The following RNF4 variants were observed in gnomAD, a reference collection of about 807,000 sequenced individuals.
The protein encoded by RNF4 is ring finger protein 4, also known as E3 ubiquitin-protein ligase RNF4.
RNF4 carries 7 observed loss-of-function variants against 24.3 expected under a neutral mutation model. The observed-to-expected ratio is 0.29, with a 90% CI of 0.16 to 0.54. The LOEUF (loss-of-function observed/expected upper bound fraction) is 0.54, where lower values mean the gene tolerates loss of function less well. Ranked by LOEUF, RNF4 falls within the 20% of genes least tolerant of loss-of-function variation. The pLI, the probability that RNF4 is intolerant of heterozygous loss-of-function variation, is 0.95. For synonymous variants in RNF4, 83 were observed against 84.3 expected, an observed-to-expected ratio of 0.98 and a Z score of 0.09; for missense variants, 209 against 248.5, an observed-to-expected ratio of 0.84 and a Z score of 1.07.
At chr4:2,486,728 A>C (rs1239062328) in intron 1 of RNF4, among the ~76,000 whole-genome samples, 1 of 152,184 alleles carries the variant, frequency 6.6e-6, no homozygotes, top group Non-Finnish European at 1.5e-5. Flanking sequence ...CCTCAATATC[A>C]GTGAAGTGGG....
At position 2,515,512 on chromosome 4, in the gene RNF4, AC is replaced by A. The variant is rs552015694; in HGVS notation, c.*1694del. 4.6e-5 allele frequency: 7 copies of A among 152,420 alleles called. No homozygotes were observed. The South Asian group carries it at 1.4e-3, about 32-fold the overall frequency. 9.4% of individuals were successfully genotyped at this position (152,420 alleles called of 1,614,324 possible). On this transcript the variant is annotated 3_prime_UTR_variant, in exon 8 of 8. Coordinates refer to ENST00000314289, the MANE Select transcript of RNF4 (RefSeq NM_002938.5). ...ATCACGGCAATGTCACGATGCCCAG[AC>A]TTGGAGCAAGGCAACCTTGGAGTCA...
intron 2 of RNF4, among the ~76,000 whole-genome samples, chr4:2,496,399 C>T (rs1298935008): frequency 6.6e-6 from 1 of 152,206 alleles, no homozygotes; most frequent in East Asian, 1.9e-4. Context: ...GCATCCACTA[C>T]CAAGTCCAAA....
At chr4:2,513,581 C>G in intron 7 of RNF4, 89 bp from the exon 8 acceptor site, 1 of 1,509,462 alleles carries the variant, frequency 6.6e-7, no homozygotes, top group South Asian at 1.2e-5. Flanking sequence ...AATTAGTCAT[C>G]TTAGGCATAG....
intron 3 of RNF4, among the ~76,000 whole-genome samples, chr4:2,497,651 T>C (rs77512325): frequency 3.9e-5 from 6 of 152,212 alleles, no homozygotes; most frequent in Admixed American, 3.9e-4. Flanking sequence ...TTATTTATTT[T>C]TGAGATAGAG....
intron 1 of RNF4, among the ~76,000 whole-genome samples, chr4:2,488,290 C>G (rs1347656900): frequency 1.3e-5 from 2 of 152,120 alleles, no homozygotes; most frequent in African/African-American, 4.8e-5. Flanking sequence ...TGGTGGAAAC[C>G]CCATCTCTAC....
At chr4:2,497,150 G>T in intron 3 of RNF4, 29 bp downstream of exon 3, 4 of 1,542,532 alleles carry the variant, frequency 2.6e-6, no homozygotes, top group East Asian at 2.3e-5. Context: ...CTACAACTGT[G>T]GGGTGTTAAA....
intron 1 of RNF4, among the ~76,000 whole-genome samples, chr4:2,482,288 C>G (rs1735266992): frequency 6.6e-6 from 1 of 152,138 alleles, no homozygotes; most frequent in African/African-American, 2.4e-5. Flanking sequence ...GTACCCCAGC[C>G]AACCCTGGGT....
intron 2 of RNF4, among the ~76,000 whole-genome samples, chr4:2,495,840 A>G (rs922758973): frequency 2.6e-5 from 4 of 152,188 alleles, no homozygotes; most frequent in African/African-American, 9.6e-5. Context: ...CGTGTTGCCC[A>G]GGCTGATCTT....
At position 2,512,302 on chromosome 4, in the gene RNF4, G is replaced by C. The variant is rs921765705; in HGVS notation, c.215-136G>C. The C allele has an allele frequency of 2.6e-5, 28 of 1,063,984 alleles. No individual in the cohort carries two copies. The highest frequency in any genetic ancestry group is 3.8e-5 in the Non-Finnish European group (27 of 713,650). The allele number at this position is 1,063,984 out of a possible 1,614,324, so 65.9% of individuals were successfully genotyped here. Reference sequence around the variant, plus strand: ...GCTGGGCAGAACCTTCTGGGTTATAGCTGAGCATGGCAGCAGTTTGTCTCT... The same window carrying C: ...GCTGGGCAGAACCTTCTGGGTTATACCTGAGCATGGCAGCAGTTTGTCTCT... On this transcript the variant is annotated intron_variant, in intron 5 of 7. Coordinates refer to ENST00000314289, the MANE Select transcript of RNF4 (RefSeq NM_002938.5). This position sits in a 1 kb window ranked among gnomAD's most constrained non-coding sequence, Gnocchi z 4.1.
chr4:2,488,828 A>T (rs758193602), intron 1 of RNF4, among the ~76,000 whole-genome samples: 19 of 151,612 alleles, frequency 1.3e-4, no homozygotes, highest in East Asian at 7.7e-4. Flanking sequence ...TTATTTATTT[A>T]TTTTTTTGAG....
chr4:2,493,303 C>T (rs1735635821), intron 2 of RNF4, among the ~76,000 whole-genome samples: 1 of 150,976 alleles, frequency 6.6e-6, no homozygotes. Context: ...ATGGAGGGGT[C>T]GATAGAGCAG....
intron 1 of RNF4, among the ~76,000 whole-genome samples, chr4:2,471,480 G>C (rs951277386): frequency 7.2e-6 from 1 of 138,624 alleles, no homozygotes; most frequent in South Asian, 2.9e-4. Flanking sequence ...ACCCTACAGT[G>C]TCCAGGCAAA....
intron 2 of RNF4, among the ~76,000 whole-genome samples, chr4:2,493,147 T>C (rs1735629807): frequency 6.6e-6 from 1 of 151,924 alleles, no homozygotes; most frequent in Non-Finnish European, 1.5e-5. Context: ...AGGAGGAGGC[T>C]CAGAGACAGC....
rs1735403391 is a variant in RNF4 at position 2,486,198 on chromosome 4, GATATTA to G, written c.-157-4133_-157-4128del. ...GGGTGATGTGAGGAGCACATGTGGTGATATTAATATTTAGGAAGCGCAGTGCCTTGT... is the reference window on the plus strand; with the variant it reads ...GGGTGATGTGAGGAGCACATGTGGTGATATTTAGGAAGCGCAGTGCCTTGT... On this transcript the variant is annotated intron_variant, in intron 1 of 7. Transcript: ENST00000314289. Among the ~76,000 whole-genome samples the G allele has an allele frequency of 2.6e-5, 4 of 152,296 alleles. No individual in the cohort carries two copies. In the South Asian group the frequency reaches 8.3e-4, roughly 32 times the overall value.
At chr4:2,469,878 G>A (rs752704433) in intron 1 of RNF4, 1 of 152,394 alleles carries the variant, frequency 6.6e-6, no homozygotes, top group Non-Finnish European at 1.5e-5. Flanking sequence ...TGAGGCTTGC[G>A]GCCCAGCCCT....
rs1484754008 is a variant in RNF4, at chr4:2,512,288, C to A, written c.215-150C>A. The A allele has an allele frequency of 1.0e-6, 1 of 955,246 alleles. No individual in the cohort carries two copies. Among genetic ancestry groups the A allele is most frequent in the Non-Finnish European group, 1.6e-6 (1 of 621,824 alleles). The allele number at this position is 955,246 out of a possible 1,614,324, so 59.2% of individuals were successfully genotyped here. On this transcript the variant is annotated intron_variant, in intron 5 of 7. Coordinates refer to ENST00000314289, the MANE Select transcript of RNF4 (RefSeq NM_002938.5). The surrounding 1 kb of genome is among the most constrained non-coding windows in gnomAD (Gnocchi z 4.1). The stretch of plus-strand genomic sequence containing the variant: ...TAGTGGCCTCCAGAGCTGGGCAGAA[C>A]CTTCTGGGTTATAGCTGAGCATGGC...
intron 2 of RNF4, among the ~76,000 whole-genome samples, chr4:2,492,069 G>T (rs1380122836): frequency 1.3e-5 from 2 of 151,934 alleles, no homozygotes; most frequent in Non-Finnish European, 2.9e-5. Flanking sequence ...ATAGTTGGCG[G>T]GCGCCTGTAG....
chr4:2,513,857 C>T lies in RNF4; in HGVS notation c.*38C>T. On this transcript the variant is annotated 3_prime_UTR_variant, in exon 8 of 8. Coordinates refer to ENST00000314289, the MANE Select transcript of RNF4 (RefSeq NM_002938.5). ...CCCCCAGGAGAGACGGATGGACAGA[C>T]AGACAGCCAGGTTCTCCAGTGGTAT... 1 of 1,612,350 alleles carries T rather than the reference C, an allele frequency of 6.2e-7. No individual in the cohort carries two copies. The highest frequency in any genetic ancestry group is 8.5e-7 in the Non-Finnish European group (1 of 1,179,016).
In RNF4 at chr4:2,513,094, C is replaced by A. The variant is rs1224065618; in HGVS notation, c.386C>A (p.Thr129Asn). 1 of 1,613,870 alleles carries A rather than the reference C, an allele frequency of 6.2e-7. No homozygotes were observed. The highest frequency in any genetic ancestry group is 8.5e-7 in the Non-Finnish European group (1 of 1,179,764). Residue 129 changes from threonine to asparagine, a missense_variant, in exon 7 of 8, where the codon ACT (threonine) becomes AAT (asparagine). Thr to Asn is a moderately conservative substitution (Grantham distance 65). Coordinates refer to ENST00000314289, the MANE Select transcript of RNF4 (RefSeq NM_002938.5). Reference sequence around the variant, plus strand: ...CACTGTGCTCTTAGGCCCTCAGGTACTGTCAGTTGTCCCATCTGCATGGAC... The same window carrying A: ...CACTGTGCTCTTAGGCCCTCAGGTAATGTCAGTTGTCCCATCTGCATGGAC... Reference protein sequence around the residue: ...EGATGLRPSGTVSCPICMDGY... With the variant: ...EGATGLRPSGNVSCPICMDGY...
Sources: allele counts gnomAD v4.1 joint callset (sites outside exome capture counted in the v4.1 genomes callset), GRCh38; gene constraint gnomAD v4.1.1; non-coding constraint Gnocchi (gnomAD v3.1); transcripts MANE v1.5; gene names NCBI Gene and HGNC (gene_info 2026-07-23, HGNC 2026-07-21).